CPS1: variants seen among roughly 807,000 people sequenced by gnomAD.
CPS1 encodes carbamoyl-phosphate synthase 1.
In CPS1, 109 loss-of-function variants were observed where a neutral mutation model predicts 174.6. That is an observed-to-expected ratio of 0.62 (90% CI 0.53 to 0.73). CPS1 has a LOEUF of 0.73. Ranked by LOEUF, CPS1 falls within the 30% of genes least tolerant of loss-of-function variation. The pLI is 0.00. For synonymous variants in CPS1, 637 were observed against 632.0 expected (o/e 1.01, Z -0.12); for missense variants, 1,689 against 1,821.9 (o/e 0.93, Z 1.33).
intron 21 of CPS1, among the ~76,000 whole-genome samples, chr2:210,625,672 A>G (rs193296800): frequency 1.3e-5 from 2 of 151,504 alleles, no homozygotes; most frequent in East Asian, 3.9e-4. Flanking sequence ...AATGAAATAG[A>G]AAGACACTTT....
At chr2:210,486,998 A>ATTTG (rs1423094819) in intron 1 of CPS1, among the ~76,000 whole-genome samples, 2 of 151,786 alleles carry the variant, frequency 1.3e-5, no homozygotes, top group Admixed American at 1.3e-4. Context: ...TTATTTATTT[A>ATTTG]TTTATTTTTT....
At chr2:210,522,699 T>G (rs905473059) in intron 1 of CPS1, among the ~76,000 whole-genome samples, 9 of 151,938 alleles carry the variant, frequency 5.9e-5, no homozygotes, top group Non-Finnish European at 1.3e-4. Context: ...TATCACTTCT[T>G]GGGTTCATGG....
intron 1 of CPS1, among the ~76,000 whole-genome samples, chr2:210,542,548 C>G (rs1032330342): frequency 3.3e-5 from 5 of 151,868 alleles, no homozygotes; most frequent in Non-Finnish European, 7.4e-5. Context: ...CAAACGTCCC[C>G]CCTCCTAACA....
chr2:210,674,893 C>G lies in CPS1; in HGVS notation c.4102-9C>G. Reference sequence around the variant, plus strand: ...TCTAGAAAGTGAATTTTGTGAAATTCCTTTTCAGCAATCATTCCGGCCAAG... The same window carrying G: ...TCTAGAAAGTGAATTTTGTGAAATTGCTTTTCAGCAATCATTCCGGCCAAG... On this transcript the variant is annotated splice_polypyrimidine_tract_variant and intron_variant, in intron 34 of 37. Coordinates refer to ENST00000233072, the MANE Select transcript of CPS1 (RefSeq NM_001875.5). 6.2e-7 allele frequency: 1 copy of G among 1,611,998 alleles called. No homozygotes were observed. Among genetic ancestry groups the G allele is most frequent in the Non-Finnish European group, 8.5e-7 (1 of 1,178,146 alleles).
chr2:210,590,557 A>G lies in CPS1; in HGVS notation c.841-243A>G, dbSNP rs2302911. Among the ~76,000 whole-genome samples the G allele has an allele frequency of 0.51, 77,210 of 151,798 alleles. 19,995 individuals carry two copies. Among genetic ancestry groups the G allele is most frequent in the Middle Eastern group, 0.61 (178 of 294 alleles). On this transcript the variant is annotated intron_variant, in intron 8 of 37. Coordinates refer to ENST00000233072, the MANE Select transcript of CPS1 (RefSeq NM_001875.5). Reference sequence around the variant, plus strand: ...GTTCCTTATCATGACCTTGGGACCCATAAGACCTGCAGGTCTCTAAAGAAA... The same window carrying G: ...GTTCCTTATCATGACCTTGGGACCCGTAAGACCTGCAGGTCTCTAAAGAAA...
intron 32 of CPS1, among the ~76,000 whole-genome samples, chr2:210,661,298 G>A (rs1700912534): frequency 6.6e-6 from 1 of 152,110 alleles, no homozygotes; most frequent in African/African-American, 2.4e-5. Flanking sequence ...GTATGATGGT[G>A]CACAGAATTA....
intron 21 of CPS1, chr2:210,619,538 ATT>A (rs1699433332): frequency 6.6e-6 from 1 of 152,056 alleles, no homozygotes; most frequent in Non-Finnish European, 1.5e-5. Flanking sequence ...TTAAAGATTC[ATT>A]TTCAGACTCA....
At chr2:210,511,035 A>G (rs1481685638) in intron 1 of CPS1, among the ~76,000 whole-genome samples, 1 of 151,710 alleles carries the variant, frequency 6.6e-6, no homozygotes, top group African/African-American at 2.4e-5. Context: ...TACTGGATGT[A>G]TATCCAAAGG....
chr2:210,561,773 A>G (rs1260599845), intron 1 of CPS1, among the ~76,000 whole-genome samples: 1 of 152,128 alleles, frequency 6.6e-6, no homozygotes, highest in Admixed American at 6.6e-5. Flanking sequence ...GATTTTCTTC[A>G]TGTGATCTAA....
intron 1 of CPS1, among the ~76,000 whole-genome samples, chr2:210,494,706 T>C (rs1694949492): frequency 6.6e-6 from 1 of 152,254 alleles, no homozygotes; most frequent in African/African-American, 2.4e-5. Flanking sequence ...GTTATTTTAA[T>C]TGTGTGCACA....
intron 1 of CPS1, among the ~76,000 whole-genome samples, chr2:210,505,301 C>A (rs143019754): frequency 2.1e-4 from 32 of 151,456 alleles, no homozygotes; most frequent in African/African-American, 7.5e-4. Flanking sequence ...ACTGCAATTA[C>A]TTTAGCACCA....
chr2:210,542,149 C>A lies in CPS1; in HGVS notation c.4-14570C>A, dbSNP rs573058269. 4.6e-5 allele frequency among the ~76,000 whole-genome samples: 7 copies of A among 152,228 alleles called. 1 individual carries two copies. Among genetic ancestry groups the A allele is most frequent in the Admixed American group, 3.3e-4 (5 of 15,280 alleles). On this transcript the variant is annotated intron_variant, in intron 1 of 38. Transcript: ENST00000430249. ...TTTCAAGATAACCTTAACTTCCACA[C>A]CCCAATTTCTAACTGGCCTGGCAAA...
At chr2:210,485,866 C>T (rs1694702111) in intron 1 of CPS1, among the ~76,000 whole-genome samples, 1 of 151,802 alleles carries the variant, frequency 6.6e-6, no homozygotes, top group Non-Finnish European at 1.5e-5. Context: ...ATGATTGTAC[C>T]ATTTCACATT....
chr2:210,513,291 C>T (rs1695581368), intron 1 of CPS1, among the ~76,000 whole-genome samples: 1 of 151,412 alleles, frequency 6.6e-6, no homozygotes, highest in African/African-American at 2.4e-5. Context: ...TTTACATTCC[C>T]TTCAACAGTG....
At chr2:210,493,562 T>TA (rs368501699) in intron 1 of CPS1, among the ~76,000 whole-genome samples, 6 of 152,332 alleles carry the variant, frequency 3.9e-5, no homozygotes, top group Admixed American at 3.3e-4. Flanking sequence ...GAAGTGGCAC[T>TA]ATTTAATCAA....
intron 17 of CPS1, among the ~76,000 whole-genome samples, chr2:210,605,981 C>G (rs1345821644): frequency 1.3e-5 from 2 of 151,870 alleles, no homozygotes; most frequent in African/African-American, 2.4e-5. Flanking sequence ...AGAGGAAAAT[C>G]AGGTAGTACT....
chr2:210,590,913 T>G lies in CPS1; in HGVS notation c.947+7T>G. The G allele has an allele frequency of 3.1e-6, 5 of 1,608,466 alleles. No homozygotes were observed. The highest frequency in any genetic ancestry group is 4.3e-6 in the Non-Finnish European group (5 of 1,176,212). On this transcript the variant is annotated splice_region_variant and intron_variant, in intron 9 of 37. Transcript: ENST00000233072. The stretch of plus-strand genomic sequence containing the variant: ...AGATGTCCATGGCCAACAGGTGAGG[T>G]ATTTTCACTTTTGCTTACAGTAAAC...
intron 11 of CPS1, chr2:210,593,625 G>A: frequency 1.0e-6 from 1 of 985,262 alleles, no homozygotes; most frequent in South Asian, 4.7e-5. Context: ...ACACCCAGGG[G>A]CCTCCAGTAG....
rs188757166 is a variant in CPS1, at chr2:210,654,140, C to G, written c.3558+38C>G. Reference sequence around the variant, plus strand: ...TTCTCATCTCCTTCATTCCTGCCTTCTCATCATTTTTTTCTTTAACAATTT... The same window carrying G: ...TTCTCATCTCCTTCATTCCTGCCTTGTCATCATTTTTTTCTTTAACAATTT... On this transcript the variant is annotated intron_variant, in intron 29 of 37. Transcript: ENST00000233072. The G allele has an allele frequency of 2.7e-4, 424 of 1,562,568 alleles. 1 individual carries two copies. In the African/African-American group the frequency reaches 5.0e-3, roughly 18 times the overall value.
Sources: allele counts gnomAD v4.1 joint callset (sites outside exome capture counted in the v4.1 genomes callset), GRCh38; gene constraint gnomAD v4.1.1; transcripts MANE v1.5; gene names NCBI Gene and HGNC (gene_info 2026-07-23, HGNC 2026-07-21).